GUCA1B: variants seen among roughly 807,000 people sequenced by gnomAD.
The protein encoded by GUCA1B is guanylyl cyclase-activating protein 2.
In GUCA1B, 22 loss-of-function variants were observed where a neutral mutation model predicts 24.2. The ratio of observed to expected loss-of-function variants is 0.91; its 90% CI spans 0.65 to 1.30. The LOEUF (loss-of-function observed/expected upper bound fraction) is 1.30, where lower values mean the gene tolerates loss of function less well. GUCA1B is among the 50% of genes most tolerant of loss of function. The pLI, the probability that GUCA1B is intolerant of heterozygous loss-of-function variation, is 0.00. For synonymous variants in GUCA1B, 100 were observed against 97.9 expected, an observed-to-expected ratio of 1.02 and a Z score of -0.13; for missense variants, 221 against 258.8, an observed-to-expected ratio of 0.85 and a Z score of 1.00.
chr6:42,187,577 C>T (rs369575058), intron 2 of GUCA1B, among the ~76,000 whole-genome samples: 15 of 151,562 alleles, frequency 9.9e-5, no homozygotes, highest in African/African-American at 2.2e-4. Context: ...CGTACCACCA[C>T]GCCCAGCTAA....
chr6:42,194,740 C>T lies in GUCA1B; in HGVS notation c.81G>A (p.Lys27=), dbSNP rs781279689. 3.7e-6 allele frequency: 6 copies of T among 1,612,938 alleles called. No homozygotes were observed. The East Asian group carries it at 1.3e-4, about 36-fold the overall frequency. ...DVAELQEWYK[K]FVMECPSGTL... ...TGCCGCTGGGGCACTCCATCACAAA[C>T]TTCTTGTACCACTCCTGGAGCTCCG... The change falls in exon 1 of 4, where the codon AAG becomes AAA. Residue 27 remains lysine, a synonymous_variant. Coordinates refer to ENST00000230361, the MANE Select transcript of GUCA1B (RefSeq NM_002098.6).
intron 1 of GUCA1B, among the ~76,000 whole-genome samples, chr6:42,193,112 G>C (rs990135586): frequency 1.3e-5 from 2 of 152,124 alleles, no homozygotes; most frequent in Admixed American, 6.5e-5. Context: ...GGAGTTACTT[G>C]TATCATTCTT....
intron 2 of GUCA1B, among the ~76,000 whole-genome samples, chr6:42,187,815 G>A (rs970305284): frequency 1.3e-4 from 19 of 151,886 alleles, no homozygotes; most frequent in African/African-American, 4.6e-4. Flanking sequence ...AATATAGTAT[G>A]CAATTTCTAA....
At position 42,194,749 on chromosome 6, in the gene GUCA1B, C is replaced by T; in HGVS notation, c.72G>A (p.Trp24Ter). 1 of 1,611,516 alleles carries T rather than the reference C, an allele frequency of 6.2e-7. No homozygotes were observed. Among genetic ancestry groups the T allele is most frequent in the Non-Finnish European group, 8.5e-7 (1 of 1,178,674 alleles). The change falls in exon 1 of 4, where the codon TGG becomes TGA. Residue 24 changes from tryptophan to a stop codon, truncating the protein, a stop_gained. Coordinates refer to ENST00000230361, the MANE Select transcript of GUCA1B (RefSeq NM_002098.6). LOFTEE classifies it high-confidence loss of function. ...GEIDVAELQE[W>*]YKKFVMECPS... is the part of the protein sequence containing the mutation. ...GGCACTCCATCACAAACTTCTTGTACCACTCCTGGAGCTCCGCCACATCTA... is the reference window on the plus strand; with the variant it reads ...GGCACTCCATCACAAACTTCTTGTATCACTCCTGGAGCTCCGCCACATCTA...
At chr6:42,188,501 G>T in intron 2 of GUCA1B, 81 bp downstream of exon 2, 2 of 1,315,676 alleles carry the variant, frequency 1.5e-6, no homozygotes, top group Non-Finnish European at 2.2e-6. Flanking sequence ...TTCAGTCCCC[G>T]CTGGCCACTT....
In GUCA1B at chr6:42,194,676, T is replaced by C. The variant is rs1471110454; in HGVS notation, c.145A>G (p.Thr49Ala). 5 of 1,613,928 alleles carry C rather than the reference T, an allele frequency of 3.1e-6. No individual in the cohort carries two copies. Among genetic ancestry groups the C allele is most frequent in the Non-Finnish European group, 4.2e-6 (5 of 1,179,814 alleles). Residue 49 changes from threonine to alanine, a missense_variant, in exon 1 of 4, where the codon ACA (threonine) becomes GCA (alanine). Transcript: ENST00000230361. ...MHEFKRFFKV[T>A]DDEEASQYVE... ...TACTGGGAGGCCTCCTCATCGTCTGTGACCTTGAAGAAGCGCTTAAACTCA... is the reference window on the plus strand; with the variant it reads ...TACTGGGAGGCCTCCTCATCGTCTGCGACCTTGAAGAAGCGCTTAAACTCA...
chr6:42,192,038 C>CAAAAA (rs35283316), intron 1 of GUCA1B, among the ~76,000 whole-genome samples: 1 of 116,876 alleles, frequency 8.6e-6, no homozygotes, highest in Non-Finnish European at 1.7e-5. Flanking sequence ...TATGATCATA[C>CAAAAA]AAAAAAAAAA....
intron 1 of GUCA1B, among the ~76,000 whole-genome samples, chr6:42,191,074 T>C (rs1167887401): frequency 6.6e-6 from 1 of 152,150 alleles, no homozygotes; most frequent in Non-Finnish European, 1.5e-5. Context: ...CCTTGTCAGC[T>C]CCAATTACCC....
rs1374661314 is a variant in GUCA1B, at chr6:42,183,934, T to C, written c.*881A>G. Among the ~76,000 whole-genome samples the C allele has an allele frequency of 6.6e-6, 1 of 152,152 alleles. No individual in the cohort carries two copies. The highest frequency in any genetic ancestry group is 6.5e-5 in the Admixed American group (1 of 15,270). ...TTTCAAAGGCAGAAAGACCACAGCC[T>C]GCAGCGTATTTGCTGCCATTTTTCC... On this transcript the variant is annotated 3_prime_UTR_variant, in exon 4 of 4. Coordinates refer to ENST00000230361, the MANE Select transcript of GUCA1B (RefSeq NM_002098.6).
At chr6:42,194,243 T>G (rs1768358820) in intron 1 of GUCA1B, among the ~76,000 whole-genome samples, 1 of 152,102 alleles carries the variant, frequency 6.6e-6, no homozygotes, top group South Asian at 2.1e-4. Context: ...GTGTTTAGAG[T>G]GACAGGGGCT....
chr6:42,194,526 T>A (rs1243569648), intron 1 of GUCA1B, 88 bp downstream of exon 1: 2 of 818,166 alleles, frequency 2.4e-6, no homozygotes, highest in African/African-American at 3.4e-5. Context: ...AGCCGAGGAG[T>A]GGGGAACTGG....
intron 3 of GUCA1B, 75 bp from the exon 4 acceptor site, chr6:42,185,017 G>A (rs1582329320): frequency 4.2e-6 from 6 of 1,435,310 alleles, no homozygotes; most frequent in East Asian, 4.6e-5. Context: ...GAGAGACCTC[G>A]CTCCCAGGAT....
intron 1 of GUCA1B, among the ~76,000 whole-genome samples, chr6:42,192,121 C>T (rs35244678): frequency 0.55 from 81,062 of 148,428 alleles, 24,007 homozygotes; most frequent in East Asian, 0.85. Flanking sequence ...TTTGGGAGAC[C>T]GAGGCGGGTG....
intron 2 of GUCA1B, among the ~76,000 whole-genome samples, chr6:42,187,903 G>A (rs561083057): frequency 6.6e-6 from 1 of 151,880 alleles, no homozygotes; most frequent in South Asian, 2.1e-4. Context: ...CTGGAATGCA[G>A]TGGCATGATC....
intron 3 of GUCA1B, 29 bp from the exon 4 acceptor site, chr6:42,184,971 G>A: frequency 6.2e-7 from 1 of 1,612,664 alleles, no homozygotes; most frequent in South Asian, 1.1e-5. Flanking sequence ...AGGTGGTCAT[G>A]TAGAAGAAGG....
chr6:42,193,554 T>C (rs9381153), intron 1 of GUCA1B, among the ~76,000 whole-genome samples: 132,354 of 152,256 alleles, frequency 0.87, 57,625 homozygotes, highest in East Asian at 0.92. Context: ...TTGCTGCTGA[T>C]TCAGAGGAGA....
intron 1 of GUCA1B, among the ~76,000 whole-genome samples, chr6:42,190,241 T>C (rs1768280325): frequency 6.6e-6 from 1 of 152,208 alleles, no homozygotes; most frequent in Non-Finnish European, 1.5e-5. Flanking sequence ...ATATATGGTC[T>C]CCGTACTCCC....
chr6:42,188,696 A>G lies in GUCA1B; in HGVS notation c.243T>C (p.Ala81=). The change falls in exon 2 of 4, where the codon GCT becomes GCC. Residue 81 remains alanine, a synonymous_variant. Transcript: ENST00000230361. ...NTIDFLEYVA[A]LNLVLRGTLE... is the part of the protein sequence containing the mutation. ...GGGTGCCCCTCAGCACGAGATTCAGAGCTGCCACGTACTCCAGGAAGTCGA... is the reference window on the plus strand; with the variant it reads ...GGGTGCCCCTCAGCACGAGATTCAGGGCTGCCACGTACTCCAGGAAGTCGA... The G allele has an allele frequency of 6.2e-7, 1 of 1,613,998 alleles. No homozygotes were observed.
chr6:42,183,316 T>C lies in GUCA1B; in HGVS notation c.*1499A>G, dbSNP rs1768137911. On this transcript the variant is annotated 3_prime_UTR_variant, in exon 4 of 4. Transcript: ENST00000230361. ...TAATAGGTTAGTTTTATTTCTTATA[T>C]ACCAACATAAAAACCTATCTATTCA... Among the ~76,000 whole-genome samples the C allele has an allele frequency of 6.6e-6, 1 of 152,216 alleles. No homozygotes were observed. The highest frequency in any genetic ancestry group is 2.4e-5 in the African/African-American group (1 of 41,456).
Sources: gnomAD v4.1 joint callset for allele counts (sites outside exome capture counted in the v4.1 genomes callset) on GRCh38, gnomAD v4.1.1 for gene constraint, MANE v1.5 for transcripts, NCBI Gene and HGNC (gene_info 2026-07-23, HGNC 2026-07-21) for gene names.